The following PRELID2 variants were observed in gnomAD, a reference collection of about 807,000 sequenced individuals.
The protein encoded by PRELID2 is PRELI domain-containing protein 2.
A neutral mutation model predicts 28.4 loss-of-function variants in PRELID2; 25 were observed. The ratio of observed to expected loss-of-function variants is 0.88; its 90% CI spans 0.64 to 1.23. The LOEUF (loss-of-function observed/expected upper bound fraction) is 1.23, where lower values mean the gene tolerates loss of function less well. Ranked by LOEUF, PRELID2 falls within the 50% of genes most tolerant of loss-of-function variation. The probability of loss-of-function intolerance (pLI) is 0.00; values close to 1 mark genes in which losing one functional copy is unlikely to be tolerated. For synonymous variants in PRELID2, 76 were observed against 71.6 expected, an observed-to-expected ratio of 1.06 and a Z score of -0.31; for missense variants, 201 against 214.4, an observed-to-expected ratio of 0.94 and a Z score of 0.39.
chr5:145,715,641 C>A (rs539109982), intron 1 of PRELID2, among the ~76,000 whole-genome samples: 12 of 152,290 alleles, frequency 7.9e-5, no homozygotes, highest in African/African-American at 2.6e-4. Context: ...GCTCCCACTT[C>A]ACTCACCACT....
chr5:145,440,029 G>C, the PRELID2 span, among the ~76,000 whole-genome samples: 3 of 152,012 alleles, frequency 2.0e-5, no homozygotes, highest in African/African-American at 7.2e-5. Flanking sequence ...ATCCCAGCAG[G>C]CTATCCTCCA....
chr5:145,688,112 C>A (rs73794411), intron 1 of PRELID2, among the ~76,000 whole-genome samples: 15,019 of 152,180 alleles, frequency 0.099, 1,024 homozygotes, highest in Admixed American at 0.2. Flanking sequence ...GTCTTTGACA[C>A]GATGCCTTCA....
chr5:145,724,600 A>ATATATAT lies in PRELID2; in HGVS notation n.70+40330_70+40331insATATATA, dbSNP rs1756080147. ...ACACTGAAATAACAAGAAGTAAATA[A>ATATATAT]ATATATATATATATATATATATATA... On this transcript the variant is annotated intron_variant and non_coding_transcript_variant, in intron 1 of 2. Transcript: ENST00000510259. Among the ~76,000 whole-genome samples, 21 of 24,778 alleles carry ATATATAT rather than the reference A, an allele frequency of 8.5e-4. 1 individual carries two copies. The highest frequency in any genetic ancestry group is 1.4e-3 in the Non-Finnish European group (15 of 10,502). 16.3% of individuals were successfully genotyped at this position (24,778 alleles called of 152,430 possible). A position where few individuals can be genotyped will look rare whatever the true frequency, so the allele number is the denominator to read the frequency against.
the PRELID2 span, among the ~76,000 whole-genome samples, chr5:145,347,555 G>T: frequency 1.1e-3 from 165 of 152,212 alleles, 2 homozygotes; most frequent in Admixed American, 4.1e-3. Flanking sequence ...ATAAGGGTTT[G>T]TGGTGGCTAT....
At chr5:145,323,597 T>TC in the PRELID2 span, among the ~76,000 whole-genome samples, 2 of 152,182 alleles carry the variant, frequency 1.3e-5, no homozygotes, top group East Asian at 3.9e-4. Context: ...GGGTAGTTTT[T>TC]CAATCATCAT....
chr5:145,531,603 C>T (rs573565007), intron 1 of PRELID2, among the ~76,000 whole-genome samples: 10 of 152,248 alleles, frequency 6.6e-5, no homozygotes, highest in African/African-American at 1.9e-4. Flanking sequence ...CTGGAAGGCC[C>T]ATTGCTCGTT....
At chr5:145,322,930 G>A in the PRELID2 span, among the ~76,000 whole-genome samples, 5 of 152,120 alleles carry the variant, frequency 3.3e-5, no homozygotes, top group South Asian at 2.1e-4. Context: ...GCAGTGAGCC[G>A]AGATCGCACC....
At chr5:145,250,171 T>G in the PRELID2 span, among the ~76,000 whole-genome samples, 2 of 152,152 alleles carry the variant, frequency 1.3e-5, no homozygotes, top group Non-Finnish European at 2.9e-5. Flanking sequence ...AGAATTACAA[T>G]GATCAATGTT....
At chr5:145,280,720 G>A in the PRELID2 span, among the ~76,000 whole-genome samples, 3 of 151,554 alleles carry the variant, frequency 2.0e-5, no homozygotes. Flanking sequence ...CTGTCTGGAT[G>A]GGAAAAGAAA....
the PRELID2 span, among the ~76,000 whole-genome samples, chr5:145,460,010 C>T: frequency 6.6e-6 from 1 of 152,052 alleles, no homozygotes; most frequent in African/African-American, 2.4e-5. Context: ...TGGGTTTCAC[C>T]ATATTGGCCA....
the PRELID2 span, among the ~76,000 whole-genome samples, chr5:145,287,592 T>TA: frequency 6.6e-6 from 1 of 152,172 alleles, no homozygotes; most frequent in African/African-American, 2.4e-5. Flanking sequence ...CAGAAAGTAA[T>TA]ATCATGGATA....
chr5:145,580,744 T>A (rs1449775040), intron 1 of PRELID2, among the ~76,000 whole-genome samples: 1 of 151,990 alleles, frequency 6.6e-6, no homozygotes, highest in Admixed American at 6.6e-5. Flanking sequence ...ATCCTAAACA[T>A]GGAGTGTTCT....
At position 145,655,332 on chromosome 5, in the gene PRELID2, A is replaced by T. The variant is rs550245561; in HGVS notation, n.70+109599T>A. The stretch of plus-strand genomic sequence containing the variant: ...GAAAATGGCCGTACTGCCCAAGGTA[A>T]TTTATAGATTCAATGCCATCCCCAT... On this transcript the variant is annotated intron_variant and non_coding_transcript_variant, in intron 1 of 2. Transcript: ENST00000510259. Among the ~76,000 whole-genome samples, 6 of 152,306 alleles carry T rather than the reference A, an allele frequency of 3.9e-5. No individual in the cohort carries two copies. In the East Asian group the frequency reaches 1.2e-3, roughly 29 times the overall value.
At chr5:145,280,397 C>T in the PRELID2 span, among the ~76,000 whole-genome samples, 8 of 152,196 alleles carry the variant, frequency 5.3e-5, no homozygotes, top group East Asian at 1.9e-4. Flanking sequence ...TCTACTCAAT[C>T]GTAAATTTAA....
At chr5:145,244,097 G>T in the PRELID2 span, among the ~76,000 whole-genome samples, 102 of 152,124 alleles carry the variant, frequency 6.7e-4, no homozygotes, top group African/African-American at 2.4e-3. Flanking sequence ...GGGACTACAG[G>T]CACAAACTAC....
At chr5:145,751,239 T>G (rs969469444) in intron 1 of PRELID2, among the ~76,000 whole-genome samples, 5 of 152,194 alleles carry the variant, frequency 3.3e-5, no homozygotes, top group Non-Finnish European at 7.4e-5. Context: ...AAATAACCCA[T>G]GATGCTGCTG....
the PRELID2 span, among the ~76,000 whole-genome samples, chr5:145,403,569 G>T: frequency 2.0e-5 from 3 of 152,072 alleles, no homozygotes; most frequent in Non-Finnish European, 4.4e-5. Flanking sequence ...CCCCTTCCCA[G>T]GCTCAAAACA....
At chr5:145,819,445 G>A in intron 3 of PRELID2, 1 of 1,462,934 alleles carries the variant, frequency 6.8e-7, no homozygotes, top group Non-Finnish European at 9.5e-7. Flanking sequence ...TTGCTATCAT[G>A]AAGATTTCAT....
intron 1 of PRELID2, among the ~76,000 whole-genome samples, chr5:145,495,285 G>A (rs1330831731): frequency 6.6e-6 from 1 of 152,116 alleles, no homozygotes; most frequent in Admixed American, 6.5e-5. Context: ...AGATCAGGCT[G>A]GTATGCAAGA....
Sources: gnomAD v4.1 joint callset for allele counts (sites outside exome capture counted in the v4.1 genomes callset) on GRCh38, gnomAD v4.1.1 for gene constraint, MANE v1.5 for transcripts, NCBI Gene and HGNC (gene_info 2026-07-23, HGNC 2026-07-21) for gene names.